Variants in CACNA1E observed in about 807,000 individuals in gnomAD.
CACNA1E encodes the protein voltage-dependent R-type calcium channel subunit alpha-1E.
In CACNA1E, 40 loss-of-function variants were observed where a neutral mutation model predicts 259.2. The ratio of observed to expected loss-of-function variants is 0.15; its 90% CI spans 0.12 to 0.20. CACNA1E has a LOEUF of 0.20. Among genes scored for constraint, CACNA1E ranks in the 10% least tolerant of loss-of-function variants. The pLI is 1.00. For missense variants in CACNA1E, 1,874 were observed against 3,040.1 expected (o/e 0.62, Z 9.02); for synonymous variants, 1,104 against 1,138.5 (o/e 0.97, Z 0.61).
chr1:181,717,208 G>T lies in CACNA1E; in HGVS notation c.1431G>T (p.Val477=), dbSNP rs767575547. Reference sequence around the variant, plus strand: ...TTCGCCACATGGTTAAATCCCAGGTGTTTTACTGGATTGTGCTGAGCCTTG... The same window carrying T: ...TTCGCCACATGGTTAAATCCCAGGTTTTTTACTGGATTGTGCTGAGCCTTG... The part of the protein sequence containing the change: ...ISIRHMVKSQ[V]FYWIVLSLVA... Residue 477 remains valine (V), a synonymous_variant, in exon 11 of 48, where the codon GTG becomes GTT. Coordinates refer to ENST00000367573, the MANE Select transcript of CACNA1E (RefSeq NM_001205293.3). 104 of 1,613,872 alleles carry T rather than the reference G, an allele frequency of 6.4e-5. No individual in the cohort carries two copies. The highest frequency in any genetic ancestry group is 8.1e-5 in the Non-Finnish European group (96 of 1,179,872).
intron 41 of CACNA1E, 42 bp from the exon 42 acceptor site, chr1:181,785,276 A>G (rs553032261): frequency 8.6e-7 from 1 of 1,164,740 alleles, no homozygotes; most frequent in Non-Finnish European, 1.3e-6. Context: ...CTCTCCCATT[A>G]TCTACTCCCT....
At chr1:181,361,505 T>C (rs1438850937) in intron 1 of CACNA1E, among the ~76,000 whole-genome samples, 1 of 152,040 alleles carries the variant, frequency 6.6e-6, no homozygotes, top group Non-Finnish European at 1.5e-5. Context: ...CCCAGATTAT[T>C]GTTAGAAGAA....
chr1:181,675,261 C>CA (rs1395596785), intron 7 of CACNA1E, among the ~76,000 whole-genome samples: 1 of 152,118 alleles, frequency 6.6e-6, no homozygotes, highest in African/African-American at 2.4e-5. Context: ...GGAGGAGGCA[C>CA]AGCTGATGGC....
At chr1:181,748,417 C>T (rs1657297337) in intron 25 of CACNA1E, among the ~76,000 whole-genome samples, 1 of 152,112 alleles carries the variant, frequency 6.6e-6, no homozygotes. Context: ...TATCCTTTAT[C>T]CAGGTGTGTG....
chr1:181,577,551 T>C (rs1244100170), intron 3 of CACNA1E, among the ~76,000 whole-genome samples: 1 of 152,220 alleles, frequency 6.6e-6, no homozygotes, highest in African/African-American at 2.4e-5. Flanking sequence ...GGTATGATGA[T>C]AAGTTTTCCT....
intron 33 of CACNA1E, 37 bp downstream of exon 33, chr1:181,762,694 C>A: frequency 1.5e-6 from 2 of 1,292,934 alleles, no homozygotes; most frequent in Non-Finnish European, 2.2e-6. Flanking sequence ...GTAAGCTTGG[C>A]CCTGGAGTAG....
At chr1:181,356,949 C>G (rs1653494652) in intron 1 of CACNA1E, among the ~76,000 whole-genome samples, 1 of 152,144 alleles carries the variant, frequency 6.6e-6, no homozygotes, top group Non-Finnish European at 1.5e-5. Context: ...AGCAAAGAGG[C>G]TCAGCTAGAG....
intron 3 of CACNA1E, among the ~76,000 whole-genome samples, chr1:181,539,484 G>A (rs1231251760): frequency 6.6e-6 from 1 of 152,202 alleles, no homozygotes; most frequent in East Asian, 1.9e-4. Flanking sequence ...GCCAAATGAA[G>A]AAATGGAAGG....
intron 6 of CACNA1E, among the ~76,000 whole-genome samples, chr1:181,620,088 T>C (rs1013381512): frequency 1.3e-5 from 2 of 152,200 alleles, no homozygotes; most frequent in African/African-American, 4.8e-5. Context: ...ATAAAGCTGA[T>C]GTCATGAGTT....
intron 7 of CACNA1E, among the ~76,000 whole-genome samples, chr1:181,703,456 T>C (rs1490393280): frequency 6.6e-6 from 1 of 152,232 alleles, no homozygotes; most frequent in East Asian, 1.9e-4. Context: ...TTAATCATTA[T>C]ACTTTAACAT....
Position 181,741,324 on chromosome 1 carries a change from C to G in CACNA1E, c.3719+2071C>G, listed in dbSNP as rs575805095. On this transcript the variant is annotated intron_variant, in intron 25 of 47. Transcript: ENST00000367573. ...CTTGAGCCACACAGCAAAATATTAACCCTCCTAACCTCAGTTCTCATCTCT... is the reference window on the plus strand; with the variant it reads ...CTTGAGCCACACAGCAAAATATTAAGCCTCCTAACCTCAGTTCTCATCTCT... 2.6e-5 allele frequency among the ~76,000 whole-genome samples: 4 copies of G among 152,298 alleles called. No homozygotes were observed. In the South Asian group the frequency reaches 8.3e-4, roughly 32 times the overall value.
chr1:181,792,145 C>G (rs1180455857), intron 44 of CACNA1E, among the ~76,000 whole-genome samples: 1 of 152,182 alleles, frequency 6.6e-6, no homozygotes, highest in Admixed American at 6.5e-5. Flanking sequence ...CTTAAAAAGA[C>G]CTCGCAGCAT....
intron 2 of CACNA1E, among the ~76,000 whole-genome samples, chr1:181,453,636 C>T (rs1422877442): frequency 1.3e-5 from 2 of 152,146 alleles, no homozygotes; most frequent in African/African-American, 4.8e-5. Flanking sequence ...CTTTTATATC[C>T]TGCTCCAGAA....
chr1:181,472,075 C>T (rs1394734979), intron 2 of CACNA1E, among the ~76,000 whole-genome samples: 1 of 151,970 alleles, frequency 6.6e-6, no homozygotes, highest in Admixed American at 6.6e-5. Context: ...GATTTTTATT[C>T]TGCTGTAAAA....
chr1:181,532,926 A>G (rs1157093460), intron 3 of CACNA1E, among the ~76,000 whole-genome samples: 1 of 152,186 alleles, frequency 6.6e-6, no homozygotes, highest in African/African-American at 2.4e-5. Context: ...GAAGACTATT[A>G]TTACATACTT....
chr1:181,731,966 G>A (rs568357899), intron 19 of CACNA1E, among the ~76,000 whole-genome samples: 6 of 151,948 alleles, frequency 3.9e-5, no homozygotes, highest in African/African-American at 9.7e-5. Flanking sequence ...AGGGAGATGA[G>A]GGGGAGAGGA....
intron 1 of CACNA1E, among the ~76,000 whole-genome samples, chr1:181,403,641 A>C (rs1302457402): frequency 1.3e-5 from 2 of 152,234 alleles, no homozygotes; most frequent in African/African-American, 2.4e-5. Flanking sequence ...CAGAACAATT[A>C]AATGGCTTTG....
rs550909662 is a variant in CACNA1E, at chr1:181,425,009, C to T, written c.434+11429C>T. ...CATGTCAAGATTCGGAAATTCTGCC[C>T]CCAGCCACCTTTTTGAAGAAAATGG... On this transcript the variant is annotated intron_variant, in intron 2 of 11. Coordinates refer to the CACNA1E transcript ENST00000524607. Among the ~76,000 whole-genome samples, 115 of 152,336 alleles carry T rather than the reference C, an allele frequency of 7.5e-4. 1 individual carries two copies. Among genetic ancestry groups the T allele is most frequent in the African/African-American group, 2.7e-3 (113 of 41,574 alleles).
intron 3 of CACNA1E, among the ~76,000 whole-genome samples, chr1:181,525,574 T>C (rs1667293082): frequency 1.3e-5 from 2 of 152,226 alleles, no homozygotes; most frequent in Non-Finnish European, 2.9e-5. Context: ...TTAACATTTG[T>C]CAAACTCTAA....
Sources: gnomAD v4.1 joint callset for allele counts (sites outside exome capture counted in the v4.1 genomes callset) on GRCh38, gnomAD v4.1.1 for gene constraint, MANE v1.5 for transcripts, NCBI Gene and HGNC (gene_info 2026-07-23, HGNC 2026-07-21) for gene names.